The following HIVEP3 variants were observed in gnomAD, a reference collection of about 807,000 sequenced individuals.
The protein encoded by HIVEP3 is transcription factor HIVEP3.
A neutral mutation model predicts 152.8 loss-of-function variants in HIVEP3; 49 were observed. The ratio of observed to expected loss-of-function variants is 0.32; its 90% CI spans 0.26 to 0.41. HIVEP3 has a LOEUF of 0.41. HIVEP3 is among the 10% of genes least tolerant of loss of function. The probability of loss-of-function intolerance (pLI) is 1.00; values close to 1 mark genes in which losing one functional copy is unlikely to be tolerated. For missense variants in HIVEP3, 2,790 were observed against 3,103.3 expected (o/e 0.90, Z 2.40); for synonymous variants, 1,269 against 1,289.0 (o/e 0.98, Z 0.33).
intron 1 of HIVEP3, among the ~76,000 whole-genome samples, chr1:41,986,204 C>T (rs962327628): frequency 6.6e-6 from 1 of 152,140 alleles, no homozygotes; most frequent in African/African-American, 2.4e-5. Flanking sequence ...AGATGAGAGC[C>T]TGCTTATATA....
At chr1:42,024,983 TTTG>T (rs984263588) in intron 1 of HIVEP3, among the ~76,000 whole-genome samples, 2 of 152,214 alleles carry the variant, frequency 1.3e-5, no homozygotes, top group Admixed American at 6.5e-5. Flanking sequence ...CATATGTCTT[TTTG>T]TTGTTGTTGT....
intron 1 of HIVEP3, among the ~76,000 whole-genome samples, chr1:41,893,906 T>TG (rs1644488864): frequency 7.0e-6 from 1 of 142,878 alleles, no homozygotes; most frequent in Admixed American, 6.9e-5. Context: ...ATAATATTTA[T>TG]TTTTTATATA....
At chr1:42,022,348 T>C (rs2124535898) in intron 1 of HIVEP3, among the ~76,000 whole-genome samples, 1 of 152,288 alleles carries the variant, frequency 6.6e-6, no homozygotes, top group East Asian at 1.9e-4. Flanking sequence ...TCCCGTGGGA[T>C]GCTTGCTTCC....
intron 2 of HIVEP3, among the ~76,000 whole-genome samples, chr1:41,686,574 T>C (rs1014491293): frequency 6.6e-6 from 1 of 152,192 alleles, no homozygotes; most frequent in African/African-American, 2.4e-5. Flanking sequence ...AGCCTGGACA[T>C]AGCTGGATTG....
At chr1:41,576,597 T>G (rs1056159615) in intron 4 of HIVEP3, among the ~76,000 whole-genome samples, 1 of 152,174 alleles carries the variant, frequency 6.6e-6, no homozygotes, top group Non-Finnish European at 1.5e-5. Flanking sequence ...GCTGTTTCCA[T>G]CCAGTGAATG....
chr1:41,602,209 C>T (rs1644758349), intron 3 of HIVEP3, among the ~76,000 whole-genome samples: 1 of 152,096 alleles, frequency 6.6e-6, no homozygotes, highest in African/African-American at 2.4e-5. Context: ...GTTTTCTTTT[C>T]TTGTGGTGTC....
At chr1:41,559,820 C>T (rs957476114) in intron 5 of HIVEP3, among the ~76,000 whole-genome samples, 13 of 152,334 alleles carry the variant, frequency 8.5e-5, no homozygotes, top group African/African-American at 3.1e-4. Context: ...ATAATAACAG[C>T]TGAGTTTTAT....
At chr1:41,604,253 C>G (rs1331787114) in intron 3 of HIVEP3, among the ~76,000 whole-genome samples, 1 of 151,848 alleles carries the variant, frequency 6.6e-6, no homozygotes, top group African/African-American at 2.4e-5. Context: ...TTCATGATAG[C>G]CAAAAAAACT....
intron 1 of HIVEP3, among the ~76,000 whole-genome samples, chr1:41,902,611 G>A (rs1447479383): frequency 6.6e-6 from 1 of 152,220 alleles, no homozygotes; most frequent in African/African-American, 2.4e-5. Flanking sequence ...AGGCGATGGG[G>A]CAAAGCTTTA....
intron 1 of HIVEP3, among the ~76,000 whole-genome samples, chr1:41,924,859 T>C (rs1471047192): frequency 6.6e-6 from 1 of 152,224 alleles, no homozygotes; most frequent in Non-Finnish European, 1.5e-5. Flanking sequence ...GTCCTTCAAA[T>C]ATCTGAAGCC....
At chr1:41,776,172 C>T (rs1648694793) in intron 1 of HIVEP3, among the ~76,000 whole-genome samples, 1 of 152,252 alleles carries the variant, frequency 6.6e-6, no homozygotes, top group Admixed American at 6.5e-5. Flanking sequence ...CCTGCCCGTG[C>T]AGTCCATAAA....
intron 1 of HIVEP3, among the ~76,000 whole-genome samples, chr1:41,807,818 G>A (rs1162310227): frequency 6.6e-6 from 1 of 152,170 alleles, no homozygotes; most frequent in Non-Finnish European, 1.5e-5. Flanking sequence ...GCACATGCAT[G>A]GGAATAGGTC....
Position 41,633,203 on chromosome 1 carries a change from C to T in HIVEP3, c.-720-4256G>A, listed in dbSNP as rs369972001. ...GCCCATTTATCTCCCTCTTCTCCCC[C>T]CCGCAACACCCCTCAAATAAAAGGA... On this transcript the variant is annotated intron_variant, in intron 2 of 8. Transcript: ENST00000372583. Among the ~76,000 whole-genome samples, 23 of 152,284 alleles carry T rather than the reference C, an allele frequency of 1.5e-4. 1 individual carries two copies. The East Asian group carries it at 3.3e-3, about 22-fold the overall frequency.
intron 1 of HIVEP3, among the ~76,000 whole-genome samples, chr1:41,899,834 T>C (rs1458393113): frequency 4.6e-5 from 7 of 152,216 alleles, no homozygotes; most frequent in Admixed American, 3.9e-4. Context: ...GCTCTGAGAA[T>C]AATCTGCCCA....
chr1:41,889,050 AC>A (rs1403820748), intron 1 of HIVEP3, among the ~76,000 whole-genome samples: 1 of 144,250 alleles, frequency 6.9e-6, no homozygotes, highest in Non-Finnish European at 1.5e-5. Context: ...ACACACACAC[AC>A]CACACAACAC....
intron 1 of HIVEP3, among the ~76,000 whole-genome samples, chr1:41,909,567 C>G (rs1487861531): frequency 6.6e-6 from 1 of 152,020 alleles, no homozygotes; most frequent in Non-Finnish European, 1.5e-5. Context: ...ACTGATTGAA[C>G]AAGCATACAA....
At chr1:41,784,204 A>C (rs971052876) in intron 1 of HIVEP3, among the ~76,000 whole-genome samples, 10 of 152,180 alleles carry the variant, frequency 6.6e-5, no homozygotes, top group Non-Finnish European at 1.3e-4. Context: ...GCCACTAGCC[A>C]CTTGTGGCTA....
At chr1:41,617,293 A>C (rs1644983645) in intron 3 of HIVEP3, among the ~76,000 whole-genome samples, 1 of 152,178 alleles carries the variant, frequency 6.6e-6, no homozygotes, top group African/African-American at 2.4e-5. Flanking sequence ...GGAAACATGG[A>C]TCAATGTGTG....
At chr1:41,548,189 G>C (rs2149078860) in intron 5 of HIVEP3, among the ~76,000 whole-genome samples, 1 of 152,334 alleles carries the variant, frequency 6.6e-6, no homozygotes, top group African/African-American at 2.4e-5. Context: ...GCAGGACTCA[G>C]ACAAGCTAAT....
Sources: gnomAD v4.1 joint callset for allele counts (sites outside exome capture counted in the v4.1 genomes callset) on GRCh38, gnomAD v4.1.1 for gene constraint, MANE v1.5 for transcripts, NCBI Gene and HGNC (gene_info 2026-07-23, HGNC 2026-07-21) for gene names.